SHISA9: variants seen among roughly 807,000 people sequenced by gnomAD.
SHISA9 encodes the protein protein shisa-9.
A neutral mutation model predicts 38.0 loss-of-function variants in SHISA9; 13 were observed. The observed-to-expected ratio is 0.34, with a 90% CI of 0.22 to 0.54. The LOEUF (loss-of-function observed/expected upper bound fraction) is 0.54. SHISA9 is among the 20% of genes least tolerant of loss of function. The pLI is 0.91. For synonymous variants in SHISA9, 275 were observed against 242.0 expected (o/e 1.14, Z -1.27); for missense variants, 538 against 575.8 (o/e 0.93, Z 0.67).
chr16:13,459,918 AT>A, the SHISA9 span, among the ~76,000 whole-genome samples: 2 of 151,996 alleles, frequency 1.3e-5, no homozygotes, highest in Non-Finnish European at 2.9e-5. Context: ...GATTATGAAT[AT>A]TTTTTTAACA....
At chr16:13,120,204 G>A (rs994250843) in intron 2 of SHISA9, among the ~76,000 whole-genome samples, 1 of 152,174 alleles carries the variant, frequency 6.6e-6, no homozygotes, top group Non-Finnish European at 1.5e-5. Context: ...CTTATCTTTG[G>A]CCAAGCTAGT....
At chr16:13,388,685 C>T in the SHISA9 span, among the ~76,000 whole-genome samples, 1 of 152,098 alleles carries the variant, frequency 6.6e-6, no homozygotes, top group East Asian at 1.9e-4. Flanking sequence ...TATTGGTAGC[C>T]TTTCTGAGCC....
chr16:13,021,262 T>C (rs541698026), intron 2 of SHISA9, among the ~76,000 whole-genome samples: 2 of 152,262 alleles, frequency 1.3e-5, no homozygotes, highest in Non-Finnish European at 2.9e-5. Flanking sequence ...TCCTGGCATC[T>C]AGTGAGTAAA....
At chr16:13,141,427 C>T (rs1181008389) in intron 2 of SHISA9, among the ~76,000 whole-genome samples, 1 of 151,940 alleles carries the variant, frequency 6.6e-6, no homozygotes, top group African/African-American at 2.4e-5. Flanking sequence ...TGGCTCACAC[C>T]TGTAATCCCA....
At chr16:13,399,733 C>T in the SHISA9 span, among the ~76,000 whole-genome samples, 3 of 152,304 alleles carry the variant, frequency 2.0e-5, no homozygotes, top group Admixed American at 1.3e-4. Flanking sequence ...AGGGTGCCTG[C>T]GTGTATCTGA....
chr16:13,101,890 GA>G (rs1401541119), intron 2 of SHISA9, among the ~76,000 whole-genome samples: 1 of 152,140 alleles, frequency 6.6e-6, no homozygotes, highest in African/African-American at 2.4e-5. Flanking sequence ...TAAAATGGAG[GA>G]AAAAGGACTT....
the SHISA9 span, among the ~76,000 whole-genome samples, chr16:13,462,941 G>A: frequency 2.0e-5 from 3 of 151,850 alleles, no homozygotes; most frequent in African/African-American, 4.8e-5. Flanking sequence ...CAGCCTGAGC[G>A]ACAGAGGGAG....
the SHISA9 span, among the ~76,000 whole-genome samples, chr16:13,529,077 A>C: frequency 6.6e-6 from 1 of 152,212 alleles, no homozygotes; most frequent in Non-Finnish European, 1.5e-5. Context: ...CCACCATGAC[A>C]GAATAGGAGG....
chr16:13,506,565 T>G, the SHISA9 span, among the ~76,000 whole-genome samples: 1 of 152,066 alleles, frequency 6.6e-6, no homozygotes, highest in African/African-American at 2.4e-5. Flanking sequence ...CATGCGGATA[T>G]CCAGGAAGAG....
intron 2 of SHISA9, among the ~76,000 whole-genome samples, chr16:12,994,827 A>G (rs1003248297): frequency 6.6e-6 from 1 of 152,174 alleles, no homozygotes; most frequent in African/African-American, 2.4e-5. Flanking sequence ...AGCTGGGTGG[A>G]TAGAGGTCCC....
chr16:13,016,225 T>A (rs995884006), intron 2 of SHISA9, among the ~76,000 whole-genome samples: 12 of 151,868 alleles, frequency 7.9e-5, no homozygotes, highest in African/African-American at 2.9e-4. Context: ...TCTGCCTATC[T>A]TGGCCTCCCA....
chr16:13,480,799 A>C, the SHISA9 span, among the ~76,000 whole-genome samples: 1 of 152,148 alleles, frequency 6.6e-6, no homozygotes, highest in African/African-American at 2.4e-5. Flanking sequence ...GCTAGAAGAC[A>C]AGCTATATGT....
the SHISA9 span, among the ~76,000 whole-genome samples, chr16:13,502,269 C>G: frequency 5.2e-3 from 790 of 152,240 alleles, 6 homozygotes; most frequent in African/African-American, 0.017. Flanking sequence ...CCCATGATAT[C>G]TGCATTTTAC....
intron 2 of SHISA9, among the ~76,000 whole-genome samples, chr16:13,151,696 C>T (rs1379457471): frequency 6.6e-6 from 1 of 152,138 alleles, no homozygotes; most frequent in Non-Finnish European, 1.5e-5. Context: ...ATAAATTAGC[C>T]AAATACACTT....
chr16:13,414,057 A>T, the SHISA9 span, among the ~76,000 whole-genome samples: 1 of 152,176 alleles, frequency 6.6e-6, no homozygotes, highest in Admixed American at 6.5e-5. Context: ...CATCTTGTTA[A>T]GTCCTTCTGA....
chr16:13,197,458 C>T (rs769144775), intron 2 of SHISA9: 2 of 152,166 alleles, frequency 1.3e-5, no homozygotes, highest in Non-Finnish European at 2.9e-5. Context: ...TTTTATTTCC[C>T]TGTTTAGTAA....
the SHISA9 span, among the ~76,000 whole-genome samples, chr16:13,418,794 A>G: frequency 3.9e-5 from 6 of 152,378 alleles, no homozygotes; most frequent in South Asian, 4.1e-4. Context: ...TTGAGAACAC[A>G]GAAGATAGCA....
the SHISA9 span, among the ~76,000 whole-genome samples, chr16:13,447,903 G>A: frequency 4.3e-3 from 658 of 152,274 alleles, 7 homozygotes; most frequent in African/African-American, 0.015. Context: ...TCATTTGAAC[G>A]CATGATGGAC....
the SHISA9 span, among the ~76,000 whole-genome samples, chr16:13,434,543 G>T: frequency 6.6e-6 from 1 of 150,802 alleles, no homozygotes; most frequent in Non-Finnish European, 1.5e-5. Flanking sequence ...TCAGCCTCCC[G>T]AGTAGCTGGG....
Sources: allele counts gnomAD v4.1 joint callset (sites outside exome capture counted in the v4.1 genomes callset), GRCh38; gene constraint gnomAD v4.1.1; transcripts MANE v1.5; gene names NCBI Gene and HGNC (gene_info 2026-07-23, HGNC 2026-07-21).